PDE1A: variants seen among roughly 807,000 people sequenced by gnomAD.
PDE1A encodes the protein phosphodiesterase 1A.
A neutral mutation model predicts 61.7 loss-of-function variants in PDE1A; 35 were observed. The ratio of observed to expected loss-of-function variants is 0.57; its 90% confidence interval spans 0.43 to 0.75. The LOEUF (loss-of-function observed/expected upper bound fraction) is 0.75, where lower values mean the gene tolerates loss of function less well. Among genes scored for constraint, PDE1A ranks in the 30% least tolerant of loss-of-function variants. PDE1A has a pLI of 0.00. For missense variants in PDE1A, 597 were observed against 630.6 expected, an observed-to-expected ratio of 0.95 and a Z score of 0.57; for synonymous variants, 232 against 213.2, an observed-to-expected ratio of 1.09 and a Z score of -0.77.
chr2:182,681,561 G>A, the PDE1A span, among the ~76,000 whole-genome samples: 1 of 132,602 alleles, frequency 7.5e-6, no homozygotes, highest in Admixed American at 8.1e-5. Context: ...ATTGCCAAAC[G>A]AGCACCTCTA....
At chr2:182,280,085 A>T (rs573812975) in intron 1 of PDE1A, among the ~76,000 whole-genome samples, 1 of 152,094 alleles carries the variant, frequency 6.6e-6, no homozygotes, top group African/African-American at 2.4e-5. Context: ...TCAGACATAC[A>T]GTGTTCATTA....
intron 10 of PDE1A, among the ~76,000 whole-genome samples, 158 bp from the exon 11 acceptor site, chr2:182,189,218 A>G (rs2125411320): frequency 6.6e-6 from 1 of 152,380 alleles, no homozygotes; most frequent in Middle Eastern, 3.4e-3. Flanking sequence ...CCAAGTTTAT[A>G]TAATTTTTCT....
At chr2:182,186,387 A>T in intron 12 of PDE1A, 81 bp downstream of exon 12, 1 of 1,471,782 alleles carries the variant, frequency 6.8e-7, no homozygotes, top group Non-Finnish European at 9.4e-7. Flanking sequence ...CTCTGCCTAG[A>T]TGTGAGAAAT....
chr2:182,658,560 C>A, the PDE1A span, among the ~76,000 whole-genome samples: 1 of 152,162 alleles, frequency 6.6e-6, no homozygotes, highest in African/African-American at 2.4e-5. Context: ...CCCACAGCAT[C>A]GTGATTCTAT....
chr2:182,671,683 G>A, the PDE1A span, among the ~76,000 whole-genome samples: 3 of 146,020 alleles, frequency 2.1e-5, no homozygotes, highest in Admixed American at 6.9e-5. Context: ...GCAGTGGAGC[G>A]ATCTCAGCTC....
At chr2:182,306,945 A>G (rs1320853810) in intron 1 of PDE1A, among the ~76,000 whole-genome samples, 1 of 152,192 alleles carries the variant, frequency 6.6e-6, no homozygotes, top group Non-Finnish European at 1.5e-5. Context: ...AAAAGTAGAT[A>G]AACGGGATTA....
intron 10 of PDE1A, among the ~76,000 whole-genome samples, chr2:182,197,525 T>C (rs536648534): frequency 2.0e-5 from 3 of 151,910 alleles, no homozygotes; most frequent in East Asian, 1.9e-4. Context: ...AAGATCTTTA[T>C]AGTTTTAGGT....
At chr2:182,571,682 A>C in the PDE1A span, among the ~76,000 whole-genome samples, 1 of 151,942 alleles carries the variant, frequency 6.6e-6, no homozygotes, top group East Asian at 1.9e-4. Flanking sequence ...AATAATAATA[A>C]TAATAATAAT....
the PDE1A span, among the ~76,000 whole-genome samples, chr2:182,542,573 T>A: frequency 3.3e-5 from 5 of 152,238 alleles, no homozygotes; most frequent in African/African-American, 1.2e-4. Flanking sequence ...TTCCAGTTTT[T>A]AAATTTTTTA....
At chr2:182,210,230 A>G (rs1231793203) in intron 7 of PDE1A, among the ~76,000 whole-genome samples, 1 of 152,246 alleles carries the variant, frequency 6.6e-6, no homozygotes, top group African/African-American at 2.4e-5. Context: ...CTGTCTTCCA[A>G]AATGGCTATA....
At chr2:182,322,033 T>C (rs1459051352) in intron 1 of PDE1A, among the ~76,000 whole-genome samples, 2 of 152,206 alleles carry the variant, frequency 1.3e-5, no homozygotes, top group Non-Finnish European at 2.9e-5. Flanking sequence ...TCCCTAATCG[T>C]TGGAAATAAG....
chr2:182,351,440 C>A (rs1312127309), intron 1 of PDE1A, among the ~76,000 whole-genome samples: 1 of 152,114 alleles, frequency 6.6e-6, no homozygotes, highest in African/African-American at 2.4e-5. Context: ...GCTGATTAGA[C>A]ACATTTTGCA....
chr2:182,584,783 T>TG, the PDE1A span, among the ~76,000 whole-genome samples: 2 of 152,200 alleles, frequency 1.3e-5, no homozygotes, highest in African/African-American at 4.8e-5. Flanking sequence ...ACCAGGGCAT[T>TG]GGCTCTCCTC....
chr2:182,278,237 T>C (rs1693570066), intron 1 of PDE1A, among the ~76,000 whole-genome samples: 1 of 152,034 alleles, frequency 6.6e-6, no homozygotes, highest in African/African-American at 2.4e-5. Context: ...TTTAAGGATG[T>C]GATTTAACAA....
At chr2:182,694,152 G>A in the PDE1A span, among the ~76,000 whole-genome samples, 1 of 152,044 alleles carries the variant, frequency 6.6e-6, no homozygotes, top group Non-Finnish European at 1.5e-5. Flanking sequence ...CTTAATTTTT[G>A]TATGTGGTGT....
chr2:182,568,967 T>A, the PDE1A span, among the ~76,000 whole-genome samples: 3 of 152,090 alleles, frequency 2.0e-5, no homozygotes. Context: ...CATCTTGATA[T>A]TTTTTACATT....
At chr2:182,481,261 G>A (rs544193736) in intron 2 of PDE1A, among the ~76,000 whole-genome samples, 8 of 151,918 alleles carry the variant, frequency 5.3e-5, no homozygotes, top group Admixed American at 2.0e-4. Flanking sequence ...GCAGTTTTAT[G>A]TTTAGGCCTC....
intron 1 of PDE1A, among the ~76,000 whole-genome samples, chr2:182,397,451 A>C (rs547187174): frequency 1.3e-5 from 2 of 152,290 alleles, no homozygotes; most frequent in East Asian, 3.9e-4. Context: ...AAATGTGTAA[A>C]TCAGAATTTA....
chr2:182,391,050 G>A (rs1701391024), intron 1 of PDE1A, among the ~76,000 whole-genome samples: 1 of 152,178 alleles, frequency 6.6e-6, no homozygotes, highest in African/African-American at 2.4e-5. Flanking sequence ...CTCACAGGAG[G>A]TGCACAAAAT....
Sources: allele counts gnomAD v4.1 joint callset (sites outside exome capture counted in the v4.1 genomes callset), GRCh38; gene constraint gnomAD v4.1.1; transcripts MANE v1.5; gene names NCBI Gene and HGNC (gene_info 2026-07-23, HGNC 2026-07-21).